Variants in CHODL observed in about 807,000 individuals in gnomAD.
CHODL encodes the protein transmembrane protein MT75.
CHODL carries 29 observed loss-of-function variants against 34.5 expected under a neutral mutation model. The observed-to-expected ratio is 0.84, with a 90% CI of 0.63 to 1.15. The LOEUF (loss-of-function observed/expected upper bound fraction) is 1.15. Ranked by LOEUF, CHODL falls within the 50% of genes most tolerant of loss-of-function variation. The pLI, the probability that CHODL is intolerant of heterozygous loss-of-function variation, is 0.00. For missense variants in CHODL, 332 were observed against 332.5 expected, an observed-to-expected ratio of 1.00 and a Z score of 0.01; for synonymous variants, 125 against 116.1, an observed-to-expected ratio of 1.08 and a Z score of -0.49.
At chr21:17,965,593 T>C (rs1179099472) in intron 1 of CHODL, among the ~76,000 whole-genome samples, 1 of 152,198 alleles carries the variant, frequency 6.6e-6, no homozygotes, top group Non-Finnish European at 1.5e-5. Flanking sequence ...AGCACGTGTT[T>C]ATACTCTTAT....
At chr21:17,937,469 T>C (rs1352336644) in intron 1 of CHODL, among the ~76,000 whole-genome samples, 1 of 152,200 alleles carries the variant, frequency 6.6e-6, no homozygotes, top group African/African-American at 2.4e-5. Context: ...AAAGCTCACG[T>C]TGAGGGTGAT....
At chr21:17,953,836 C>G (rs987441977) in intron 1 of CHODL, among the ~76,000 whole-genome samples, 4 of 151,962 alleles carry the variant, frequency 2.6e-5, no homozygotes, top group African/African-American at 9.7e-5. Flanking sequence ...ATGGTGAAAC[C>G]TTGTCTCTAC....
chr21:18,262,592 G>A (rs973994124), intron 4 of CHODL, among the ~76,000 whole-genome samples, 199 bp from the exon 5 acceptor site: 3 of 152,184 alleles, frequency 2.0e-5, no homozygotes, highest in African/African-American at 4.8e-5. Context: ...CATATGTGAT[G>A]CATCGTTGAC....
chr21:18,170,408 A>C (rs2073213029), intron 2 of CHODL, among the ~76,000 whole-genome samples: 1 of 152,102 alleles, frequency 6.6e-6, no homozygotes, highest in African/African-American at 2.4e-5. Context: ...TACATTTAAT[A>C]TAATTGCTGA....
intron 2 of CHODL, among the ~76,000 whole-genome samples, chr21:18,211,247 T>A: frequency 6.6e-6 from 1 of 152,108 alleles, no homozygotes; most frequent in East Asian, 1.9e-4. Context: ...AAATGTGTTT[T>A]AATTACATAG....
At chr21:18,194,263 C>T (rs1371675093) in intron 2 of CHODL, among the ~76,000 whole-genome samples, 2 of 152,172 alleles carry the variant, frequency 1.3e-5, no homozygotes, top group Non-Finnish European at 1.5e-5. Flanking sequence ...TCAATGGTTT[C>T]CAATCGTGTT....
intron 2 of CHODL, among the ~76,000 whole-genome samples, chr21:18,144,047 A>C (rs2072834858): frequency 6.6e-6 from 1 of 152,084 alleles, no homozygotes; most frequent in African/African-American, 2.4e-5. Flanking sequence ...TACCCAGATT[A>C]ATTTGAAAGC....
At chr21:18,032,688 T>G (rs1361820634) in intron 2 of CHODL, among the ~76,000 whole-genome samples, 2 of 151,988 alleles carry the variant, frequency 1.3e-5, no homozygotes, top group Non-Finnish European at 2.9e-5. Context: ...TTGAAAATAT[T>G]TTTCTCTTAT....
At chr21:18,025,225 A>G (rs1227089836) in intron 1 of CHODL, among the ~76,000 whole-genome samples, 1 of 152,182 alleles carries the variant, frequency 6.6e-6, no homozygotes, top group African/African-American at 2.4e-5. Flanking sequence ...TATCAAATAA[A>G]ATGCTAAAAT....
intron 2 of CHODL, among the ~76,000 whole-genome samples, chr21:18,102,053 C>A (rs2146546180): frequency 6.6e-6 from 1 of 152,204 alleles, no homozygotes; most frequent in Admixed American, 6.5e-5. Context: ...CAGATCTTGC[C>A]AGGATGAAGA....
At chr21:18,232,562 C>T (rs562552029) in intron 2 of CHODL, among the ~76,000 whole-genome samples, 7 of 143,840 alleles carry the variant, frequency 4.9e-5, no homozygotes, top group Non-Finnish European at 9.0e-5. Context: ...AAGTCCCCAC[C>T]TCTTAGGTAC....
chr21:18,004,852 C>T (rs759052771), intron 1 of CHODL, among the ~76,000 whole-genome samples: 1 of 149,096 alleles, frequency 6.7e-6, no homozygotes, highest in African/African-American at 2.5e-5. Flanking sequence ...AAAACAACAA[C>T]AGTTAAAGGT....
intron 1 of CHODL, among the ~76,000 whole-genome samples, chr21:17,982,021 T>C (rs2063717760): frequency 1.3e-5 from 2 of 152,222 alleles, no homozygotes; most frequent in Non-Finnish European, 2.9e-5. Context: ...AACAATGATA[T>C]TACTACATCC....
At chr21:18,055,201 A>C (rs1255219435) in intron 2 of CHODL, among the ~76,000 whole-genome samples, 1 of 151,968 alleles carries the variant, frequency 6.6e-6, no homozygotes, top group African/African-American at 2.4e-5. Context: ...CAAATATGTA[A>C]CTGGAACTGA....
chr21:18,217,177 G>GA (rs957837968), intron 2 of CHODL, among the ~76,000 whole-genome samples: 6 of 152,050 alleles, frequency 3.9e-5, no homozygotes, highest in South Asian at 4.2e-4. Flanking sequence ...AGCAATGGGG[G>GA]TGCTGGATCA....
chr21:18,214,422 G>T (rs772080740), intron 2 of CHODL, among the ~76,000 whole-genome samples: 1 of 151,902 alleles, frequency 6.6e-6, no homozygotes, highest in Non-Finnish European at 1.5e-5. Context: ...TCTTTCAATC[G>T]CTCTAGCACC....
intron 2 of CHODL, among the ~76,000 whole-genome samples, chr21:18,096,725 A>G (rs2065144220): frequency 6.6e-6 from 1 of 152,070 alleles, no homozygotes; most frequent in African/African-American, 2.4e-5. Context: ...CAGTAATTCT[A>G]ATTTTGCTCT....
chr21:18,136,237 A>G (rs1178064187), intron 2 of CHODL, among the ~76,000 whole-genome samples: 1 of 152,154 alleles, frequency 6.6e-6, no homozygotes, highest in Non-Finnish European at 1.5e-5. Context: ...TCCATCATCA[A>G]GGAAAAAGAG....
chr21:18,047,664 T>C lies in CHODL; in HGVS notation c.-45+19693T>C, dbSNP rs368322426. Among the ~76,000 whole-genome samples the C allele has an allele frequency of 2.0e-3, 307 of 152,032 alleles. 4 individuals are homozygous for C. In the Middle Eastern group the frequency reaches 0.061, roughly 30 times the overall value. On this transcript the variant is annotated intron_variant, in intron 2 of 6. Coordinates refer to the CHODL transcript ENST00000400127. ...TACTGGGAAACCCCAGAGTGCCACA[T>C]ACAGTGGTCCTTCTGATCTCATTTT...
Sources: allele counts gnomAD v4.1 joint callset (sites outside exome capture counted in the v4.1 genomes callset), GRCh38; gene constraint gnomAD v4.1.1; transcripts MANE v1.5; gene names NCBI Gene and HGNC (gene_info 2026-07-23, HGNC 2026-07-21).